RAB5C: variants seen among roughly 807,000 people sequenced by gnomAD.
The protein encoded by RAB5C is RAB5C, member RAS oncogene family.
Under a neutral mutation model 25.2 loss-of-function variants are expected in RAB5C, and 4 were observed. That is an observed-to-expected ratio of 0.16 (90% CI 0.08 to 0.36). The LOEUF (loss-of-function observed/expected upper bound fraction) is 0.36, where lower values mean the gene tolerates loss of function less well. RAB5C is among the 10% of genes least tolerant of loss of function. The pLI, the probability that RAB5C is intolerant of heterozygous loss-of-function variation, is 1.00. For synonymous variants in RAB5C, 100 were observed against 106.4 expected, an observed-to-expected ratio of 0.94 and a Z score of 0.37; for missense variants, 199 against 283.8, an observed-to-expected ratio of 0.70 and a Z score of 2.15.
At chr17:42,149,514 C>G (rs973504300) in intron 1 of RAB5C, among the ~76,000 whole-genome samples, 9 of 152,182 alleles carry the variant, frequency 5.9e-5, no homozygotes, top group East Asian at 1.9e-4. Context: ...TCCACAAGAT[C>G]AAGGCGGAAG....
intron 4 of RAB5C, 111 bp from the exon 5 acceptor site, chr17:42,126,959 C>T: frequency 1.6e-6 from 1 of 623,352 alleles, no homozygotes; most frequent in South Asian, 2.3e-5. Flanking sequence ...TAATAGAGAT[C>T]AGCTGGACAC....
At chr17:42,143,393 T>C (rs1240600758) in intron 1 of RAB5C, among the ~76,000 whole-genome samples, 2 of 152,122 alleles carry the variant, frequency 1.3e-5, no homozygotes, top group Non-Finnish European at 2.9e-5. Flanking sequence ...CCCTAGCACT[T>C]TGGAAGGCTG....
chr17:42,127,930 G>A (rs1050522735), intron 4 of RAB5C, among the ~76,000 whole-genome samples: 2 of 150,150 alleles, frequency 1.3e-5, no homozygotes, highest in African/African-American at 2.5e-5. Context: ...AACAATCCTC[G>A]TGCCTCAGCC....
chr17:42,153,093 G>C lies in RAB5C; in HGVS notation c.-89+1800C>G, dbSNP rs148264892. Among the ~76,000 whole-genome samples, 349 of 152,256 alleles carry C rather than the reference G, an allele frequency of 2.3e-3. 1 individual carries two copies. The highest frequency in any genetic ancestry group is 3.1e-3 in the Non-Finnish European group (208 of 68,016). On this transcript the variant is annotated intron_variant, in intron 1 of 5. Transcript: ENST00000346213. Reference sequence around the variant, plus strand: ...GTGATCCAGCTGTTGACCCTAATAAGGAAGGCTTCTTCTGTTGTCCGATAA... The same window carrying C: ...GTGATCCAGCTGTTGACCCTAATAACGAAGGCTTCTTCTGTTGTCCGATAA...
At chr17:42,144,068 G>A (rs1357894046) in intron 1 of RAB5C, among the ~76,000 whole-genome samples, 4 of 152,212 alleles carry the variant, frequency 2.6e-5, no homozygotes, top group Non-Finnish European at 4.4e-5. Flanking sequence ...ATACAAACGC[G>A]AGCCACTGTG....
At chr17:42,128,943 G>A in intron 2 of RAB5C, 143 bp from the exon 3 acceptor site, 2 of 762,542 alleles carry the variant, frequency 2.6e-6, no homozygotes, top group Admixed American at 8.1e-5. Context: ...GCCAAAGCAG[G>A]CCTGAGTGGG....
chr17:42,129,747 G>A (rs1226381075), intron 2 of RAB5C, among the ~76,000 whole-genome samples: 3 of 152,226 alleles, frequency 2.0e-5, no homozygotes, highest in African/African-American at 7.2e-5. Context: ...AGTAGAGAAA[G>A]GATGACTCAA....
chr17:42,134,269 T>C (rs755622296), intron 1 of RAB5C, among the ~76,000 whole-genome samples: 1 of 152,188 alleles, frequency 6.6e-6, no homozygotes. Flanking sequence ...TGTGTCTTAC[T>C]GGCAATCTTT....
rs777485845 is a variant in RAB5C at position 42,130,529 on chromosome 17, G to A, written c.-27C>T. ...GCCCGTCCAGCTGTAGTGGTCCAGA[G>A]AGCGTGCGGGTGGGGACTGGTGCTA... is the stretch of plus-strand genomic sequence containing the variant. On this transcript the variant is annotated 5_prime_UTR_variant, in exon 2 of 6. Transcript: ENST00000346213. The A allele has an allele frequency of 1.4e-5, 23 of 1,613,096 alleles. No homozygotes were observed. The Admixed American group carries it at 3.3e-4, about 23-fold the overall frequency.
chr17:42,146,106 C>A (rs951852791), intron 1 of RAB5C, among the ~76,000 whole-genome samples: 1 of 152,074 alleles, frequency 6.6e-6, no homozygotes, highest in Non-Finnish European at 1.5e-5. Flanking sequence ...CGCGCCTGGC[C>A]GAGATCCTCT....
In RAB5C at chr17:42,140,505, ATATATATATATTTTTTTTTT is replaced by A. The variant is rs1375357963; in HGVS notation, c.-88-9935_-88-9916del. Among the ~76,000 whole-genome samples, 320 of 71,488 alleles carry A rather than the reference ATATATATATATTTTTTTTTT, an allele frequency of 4.5e-3. 2 individuals are homozygous for A. The highest frequency in any genetic ancestry group is 0.017 in the African/African-American group (278 of 16,390). 46.9% of individuals were successfully genotyped at this position (71,488 alleles called of 152,430 possible). A position where few individuals can be genotyped will look rare whatever the true frequency, so the allele number is the denominator to read the frequency against. On this transcript the variant is annotated intron_variant, in intron 1 of 5. Coordinates refer to ENST00000346213, the MANE Select transcript of RAB5C (RefSeq NM_004583.4). ...TTAGAATATATATATATATATATAT[ATATATATATATTTTTTTTTT>A]TTTTTTTTTTTTTTTTGAGATGGAG...
intron 1 of RAB5C, among the ~76,000 whole-genome samples, chr17:42,131,226 ACTGTGTGCCT>A (rs1210138909): frequency 6.6e-6 from 1 of 152,176 alleles, no homozygotes; most frequent in African/African-American, 2.4e-5. Context: ...CTAGGGCTGG[ACTGTGTGCCT>A]CTGTGCACCA....
At chr17:42,139,954 T>C (rs996904706) in intron 1 of RAB5C, among the ~76,000 whole-genome samples, 1 of 152,146 alleles carries the variant, frequency 6.6e-6, no homozygotes, top group Admixed American at 6.5e-5. Flanking sequence ...ACCCCAACTA[T>C]CCTGTATTTC....
At chr17:42,140,513 ATATTTTTTTTT>A (rs1359124002) in intron 1 of RAB5C, among the ~76,000 whole-genome samples, 3 of 34,162 alleles carry the variant, frequency 8.8e-5, no homozygotes, top group African/African-American at 6.2e-4. Context: ...ATATATATAT[ATATTTTTTTTT>A]TTTTTTTTTT....
chr17:42,148,510 C>T (rs2079650984), intron 1 of RAB5C, among the ~76,000 whole-genome samples: 1 of 151,514 alleles, frequency 6.6e-6, no homozygotes, highest in African/African-American at 2.4e-5. Flanking sequence ...AGGGAGCCTA[C>T]TATGCTGAGT....
At chr17:42,143,269 A>T (rs1357303260) in intron 1 of RAB5C, among the ~76,000 whole-genome samples, 2 of 152,214 alleles carry the variant, frequency 1.3e-5, no homozygotes, top group Non-Finnish European at 2.9e-5. Flanking sequence ...AACATACCTG[A>T]GAGAAAACAT....
chr17:42,152,704 G>A (rs567779567), intron 1 of RAB5C, among the ~76,000 whole-genome samples: 6 of 151,876 alleles, frequency 4.0e-5, no homozygotes, highest in Non-Finnish European at 7.4e-5. Context: ...CCTTGATCTC[G>A]GGAGGCAGAG....
At chr17:42,140,711 A>C (rs952348266) in intron 1 of RAB5C, among the ~76,000 whole-genome samples, 3 of 151,626 alleles carry the variant, frequency 2.0e-5, no homozygotes, top group African/African-American at 7.3e-5. Flanking sequence ...TTTTTAGTAG[A>C]GATGAGGTTT....
At chr17:42,131,716 T>C in intron 1 of RAB5C, 1 of 1,098,170 alleles carries the variant, frequency 9.1e-7, no homozygotes, top group Non-Finnish European at 1.3e-6. Context: ...GGTGTTCCAG[T>C]CCCGACATCT....
Sources: gnomAD v4.1 joint callset for allele counts (sites outside exome capture counted in the v4.1 genomes callset) on GRCh38, gnomAD v4.1.1 for gene constraint, MANE v1.5 for transcripts, NCBI Gene and HGNC (gene_info 2026-07-23, HGNC 2026-07-21) for gene names.